VRK2: variants seen among roughly 807,000 people sequenced by gnomAD.
VRK2 encodes the protein serine/threonine-protein kinase VRK2.
In VRK2, 60 loss-of-function variants were observed where a neutral mutation model predicts 57.6. The observed-to-expected ratio is 1.04, with a 90% CI of 0.85 to 1.29. VRK2 has a LOEUF of 1.29. VRK2 is among the 50% of genes most tolerant of loss of function. VRK2 has a pLI of 0.00. For missense variants in VRK2, 705 were observed against 588.1 expected (o/e 1.20, Z -2.06); for synonymous variants, 231 against 199.2 (o/e 1.16, Z -1.35).
intron 9 of VRK2, among the ~76,000 whole-genome samples, chr2:58,134,617 C>CAAAAAAACAAAACAA (rs774844284): frequency 8.8e-4 from 64 of 73,088 alleles, no homozygotes; most frequent in African/African-American, 2.6e-3. Flanking sequence ...GACTCCGTCT[C>CAAAAAAACAAAACAA]AAAAAAAAAA....
chr2:58,088,241 G>A (rs1671906356), intron 5 of VRK2, 100 bp from the exon 6 acceptor site: 1 of 795,690 alleles, frequency 1.3e-6, no homozygotes, highest in African/African-American at 1.7e-5. Flanking sequence ...ATTATACTTA[G>A]TTGTTAGGTT....
At chr2:58,111,024 G>A (rs191324592) in intron 7 of VRK2, among the ~76,000 whole-genome samples, 2 of 152,222 alleles carry the variant, frequency 1.3e-5, no homozygotes, top group Non-Finnish European at 2.9e-5. Flanking sequence ...GTAAAGGGCC[G>A]CTTCTTTCTT....
intron 7 of VRK2, among the ~76,000 whole-genome samples, chr2:58,117,786 G>C (rs1204486438): frequency 2.0e-5 from 3 of 152,158 alleles, no homozygotes; most frequent in Non-Finnish European, 2.9e-5. Flanking sequence ...TTAGATTTTA[G>C]GTCAGTGAAA....
At chr2:58,108,740 T>C (rs946968896) in intron 7 of VRK2, among the ~76,000 whole-genome samples, 11 of 152,288 alleles carry the variant, frequency 7.2e-5, no homozygotes, top group Middle Eastern at 3.4e-3. Context: ...CTTTTATGCT[T>C]TTGTCAGAGT....
At chr2:57,932,016 C>T (rs1670744638) in intron 1 of VRK2, among the ~76,000 whole-genome samples, 1 of 152,044 alleles carries the variant, frequency 6.6e-6, no homozygotes, top group Admixed American at 6.6e-5. Context: ...GCTTTGATTA[C>T]TATGGATTTG....
At chr2:58,150,801 T>G (rs1682908444) in intron 12 of VRK2, among the ~76,000 whole-genome samples, 1 of 151,588 alleles carries the variant, frequency 6.6e-6, no homozygotes, top group Non-Finnish European at 1.5e-5. Context: ...TTTGGCTGTC[T>G]ATTTCACAAA....
At chr2:58,127,126 A>T (rs1399711747) in intron 8 of VRK2, among the ~76,000 whole-genome samples, 1 of 152,124 alleles carries the variant, frequency 6.6e-6, no homozygotes, top group East Asian at 1.9e-4. Context: ...TATCAAAGAA[A>T]TAAATATATT....
At chr2:58,033,795 C>A (rs950588417) in intron 3 of VRK2, 8 of 152,012 alleles carry the variant, frequency 5.3e-5, no homozygotes, top group African/African-American at 1.9e-4. Flanking sequence ...ACTATAGGAT[C>A]TTTCCTGAAA....
chr2:58,036,900 A>C (rs948343941), intron 3 of VRK2, among the ~76,000 whole-genome samples: 22 of 152,012 alleles, frequency 1.4e-4, no homozygotes, highest in African/African-American at 5.3e-4. Context: ...ATAACTCATG[A>C]AGCCGGTACC....
At position 57,965,759 on chromosome 2, in the gene VRK2, C is replaced by T. The variant is rs533425943; in HGVS notation, c.-439+57920C>T. Reference sequence around the variant, plus strand: ...TGACAACATCCATTTCATGAGATTCCGAGGCTGAGTCCAGACCCCGAACTG... The same window carrying T: ...TGACAACATCCATTTCATGAGATTCTGAGGCTGAGTCCAGACCCCGAACTG... On this transcript the variant is annotated intron_variant, in intron 1 of 15. Transcript: ENST00000417641. 9.2e-5 allele frequency among the ~76,000 whole-genome samples: 14 copies of T among 152,180 alleles called. No homozygotes were observed. The East Asian group carries it at 1.9e-3, about 21-fold the overall frequency.
intron 12 of VRK2, chr2:58,147,037 C>T: frequency 5.4e-6 from 2 of 370,158 alleles, no homozygotes; most frequent in South Asian, 4.8e-5. Flanking sequence ...GTCAAAATGA[C>T]CAACATTTTA....
chr2:58,122,551 G>A (rs1034653318), intron 7 of VRK2, among the ~76,000 whole-genome samples: 4 of 152,196 alleles, frequency 2.6e-5, no homozygotes, highest in Non-Finnish European at 4.4e-5. Flanking sequence ...GGTCTTCATC[G>A]TCTTCACGTT....
chr2:58,123,444 G>C (rs1353621058), intron 8 of VRK2, among the ~76,000 whole-genome samples: 1 of 152,152 alleles, frequency 6.6e-6, no homozygotes, highest in African/African-American at 2.4e-5. Flanking sequence ...TGGTGAAGGA[G>C]CAAAAGTGTG....
At chr2:57,952,757 A>T (rs943274405) in intron 1 of VRK2, among the ~76,000 whole-genome samples, 4 of 152,034 alleles carry the variant, frequency 2.6e-5, no homozygotes, top group Admixed American at 6.6e-5. Context: ...AATGAAAAAA[A>T]AAAAAAACAG....
chr2:57,972,999 T>G (rs1672142913), intron 1 of VRK2, among the ~76,000 whole-genome samples: 1 of 151,914 alleles, frequency 6.6e-6, no homozygotes, highest in African/African-American at 2.4e-5. Context: ...TGAACATGCC[T>G]TTTCATATTT....
intron 2 of VRK2, among the ~76,000 whole-genome samples, chr2:58,050,777 A>T (rs542055428): frequency 6.6e-6 from 1 of 152,300 alleles, no homozygotes; most frequent in East Asian, 1.9e-4. Flanking sequence ...TAGGCATGTG[A>T]CTTACTTGTC....
intron 2 of VRK2, among the ~76,000 whole-genome samples, chr2:58,029,087 T>TA (rs888654601): frequency 3.0e-4 from 46 of 151,602 alleles, no homozygotes; most frequent in Non-Finnish European, 5.9e-5. Context: ...ATGAGAGGTC[T>TA]AACTGCAGTT....
chr2:57,959,137 T>C (rs918584026), intron 1 of VRK2, among the ~76,000 whole-genome samples: 2 of 152,238 alleles, frequency 1.3e-5, no homozygotes, highest in Non-Finnish European at 2.9e-5. Flanking sequence ...GAGAAAAAGT[T>C]TCTGAAATGC....
Position 57,937,742 on chromosome 2 carries a change from T to A in VRK2, c.-439+29903T>A, listed in dbSNP as rs79158626. On this transcript the variant is annotated intron_variant, in intron 1 of 15. Coordinates refer to the VRK2 transcript ENST00000417641. ...TTCTTTACCCTTCCAACTCAGAGGA[T>A]CAAATCACTTTTGGTAACTTCTGCA... Among the ~76,000 whole-genome samples the A allele has an allele frequency of 2.8e-3, 427 of 152,210 alleles. 1 individual carries two copies. The highest frequency in any genetic ancestry group is 5.1e-3 in the Non-Finnish European group (349 of 68,010).
Sources: allele counts gnomAD v4.1 joint callset (sites outside exome capture counted in the v4.1 genomes callset), GRCh38; gene constraint gnomAD v4.1.1; transcripts MANE v1.5; gene names NCBI Gene and HGNC (gene_info 2026-07-23, HGNC 2026-07-21).